The following PDE10A variants were observed in gnomAD, a reference collection of about 807,000 sequenced individuals.
PDE10A encodes cAMP and cAMP-inhibited cGMP 3',5'-cyclic phosphodiesterase 10A.
In PDE10A, 39 loss-of-function variants were observed where a neutral mutation model predicts 97.7. That is an observed-to-expected ratio of 0.40 (90% CI 0.31 to 0.52). The LOEUF is 0.52. PDE10A is among the 20% of genes least tolerant of loss of function. The probability of loss-of-function intolerance (pLI) is 0.56; values close to 1 mark genes in which losing one functional copy is unlikely to be tolerated. For synonymous variants in PDE10A, 371 were observed against 376.8 expected (o/e 0.98, Z 0.18); for missense variants, 731 against 1,047.8 (o/e 0.70, Z 4.17).
At chr6:165,361,601 C>T (rs1281376438) in intron 18 of PDE10A, among the ~76,000 whole-genome samples, 1 of 151,966 alleles carries the variant, frequency 6.6e-6, no homozygotes, top group Non-Finnish European at 1.5e-5. Context: ...TGACTGGTGT[C>T]CTTATAGGAA....
At chr6:165,774,462 C>T (rs1778105317) in intron 1 of PDE10A, among the ~76,000 whole-genome samples, 1 of 147,332 alleles carries the variant, frequency 6.8e-6, no homozygotes, top group Non-Finnish European at 1.5e-5. Flanking sequence ...ATAAAATAAA[C>T]ATGTATATAT....
intron 18 of PDE10A, among the ~76,000 whole-genome samples, chr6:165,376,148 A>G (rs1383337277): frequency 6.6e-6 from 1 of 152,204 alleles, no homozygotes; most frequent in Non-Finnish European, 1.5e-5. Context: ...TCCTCCAATG[A>G]ATGTGGGAAA....
intron 3 of PDE10A, among the ~76,000 whole-genome samples, chr6:165,468,847 A>C (rs1415821163): frequency 6.6e-6 from 1 of 152,214 alleles, no homozygotes; most frequent in Non-Finnish European, 1.5e-5. Flanking sequence ...ACAATGAAGA[A>C]ATGCTCCCCA....
intron 2 of PDE10A, among the ~76,000 whole-genome samples, chr6:165,489,089 C>T (rs1780081702): frequency 6.6e-6 from 1 of 152,142 alleles, no homozygotes; most frequent in Non-Finnish European, 1.5e-5. Context: ...CACTATACAA[C>T]CTCAGCTGAT....
chr6:165,725,227 A>C (rs2128449457), intron 1 of PDE10A, among the ~76,000 whole-genome samples: 1 of 152,336 alleles, frequency 6.6e-6, no homozygotes, highest in East Asian at 1.9e-4. Flanking sequence ...TTTCTGGTAC[A>C]CTAAGGCAGA....
intron 3 of PDE10A, among the ~76,000 whole-genome samples, chr6:165,478,682 AC>A (rs937089970): frequency 2.0e-5 from 3 of 152,130 alleles, no homozygotes; most frequent in Non-Finnish European, 4.4e-5. Context: ...CTGTAGAGAA[AC>A]CCTTTCCCTT....
At chr6:165,645,850 T>G (rs372772687) in intron 1 of PDE10A, among the ~76,000 whole-genome samples, 51 of 30,050 alleles carry the variant, frequency 1.7e-3, no homozygotes, top group African/African-American at 6.6e-3. Context: ...CAAGACTCCA[T>G]CTCAAAAAAA....
chr6:165,588,146 T>G (rs1340301445), intron 1 of PDE10A, among the ~76,000 whole-genome samples: 1 of 152,182 alleles, frequency 6.6e-6, no homozygotes, highest in African/African-American at 2.4e-5. Context: ...GTCTATACCT[T>G]TCAAACTAAG....
intron 1 of PDE10A, among the ~76,000 whole-genome samples, chr6:165,596,861 T>C (rs1190776062): frequency 6.6e-6 from 1 of 152,162 alleles, no homozygotes; most frequent in African/African-American, 2.4e-5. Flanking sequence ...CCTCCTCTAC[T>C]GACATGGCCG....
intron 16 of PDE10A, 31 bp downstream of exon 16, chr6:165,392,615 C>G (rs113960728): frequency 6.3e-7 from 1 of 1,594,594 alleles, no homozygotes; most frequent in Admixed American, 1.7e-5. Context: ...ACTGAGGTTA[C>G]GAGAAACAGA....
chr6:165,625,017 G>T (rs910701855), intron 1 of PDE10A, among the ~76,000 whole-genome samples: 1 of 152,212 alleles, frequency 6.6e-6, no homozygotes, highest in Non-Finnish European at 1.5e-5. Flanking sequence ...AAGGCACCAA[G>T]GGGAAGTGTG....
Position 165,388,161 on chromosome 6 carries a change from T to C in PDE10A, c.2610+137A>G. The C allele has an allele frequency of 1.4e-6, 1 of 693,396 alleles. No homozygotes were observed. Among genetic ancestry groups the C allele is most frequent in the South Asian group, 1.9e-5 (1 of 51,516 alleles). The allele number at this position is 693,396 out of a possible 1,614,324, so 43.0% of individuals were successfully genotyped here. On this transcript the variant is annotated intron_variant, in intron 17 of 21. Coordinates refer to ENST00000539869, the MANE Select transcript of PDE10A (RefSeq NM_001385079.1). The surrounding 1 kb of genome is among the most constrained non-coding windows in gnomAD (Gnocchi z 4.0). ...AAACACTATTATTTAATGATGACTA[T>C]AAATATAAGGTTCTACAATAAAAAG...
At chr6:165,338,356 A>C (rs1162613524) in intron 20 of PDE10A, among the ~76,000 whole-genome samples, 3 of 152,216 alleles carry the variant, frequency 2.0e-5, no homozygotes, top group Non-Finnish European at 2.9e-5. Context: ...TCTGTATCAT[A>C]ATTATTTATT....
At chr6:165,752,533 T>C (rs532638852) in intron 1 of PDE10A, among the ~76,000 whole-genome samples, 1 of 152,352 alleles carries the variant, frequency 6.6e-6, no homozygotes, top group African/African-American at 2.4e-5. Context: ...TGTCATAACA[T>C]ATGTTATGTT....
intron 18 of PDE10A, among the ~76,000 whole-genome samples, chr6:165,373,694 C>A (rs1784417605): frequency 6.6e-6 from 1 of 152,070 alleles, no homozygotes; most frequent in South Asian, 2.1e-4. Flanking sequence ...GGATCTAGAA[C>A]TAGAAATACC....
At chr6:165,821,839 G>A (rs111665391) in intron 1 of PDE10A, among the ~76,000 whole-genome samples, 197 of 152,172 alleles carry the variant, frequency 1.3e-3, no homozygotes, top group African/African-American at 4.2e-3. Context: ...CACCATGCTC[G>A]GCATTGTCTA....
chr6:165,909,643 G>A (rs550404275), intron 1 of PDE10A, among the ~76,000 whole-genome samples: 21 of 152,206 alleles, frequency 1.4e-4, no homozygotes, highest in Non-Finnish European at 2.2e-4. Context: ...GCTCCTCCCC[G>A]GGTGGTGCCA....
chr6:165,766,675 C>T (rs1777859527), intron 1 of PDE10A, among the ~76,000 whole-genome samples: 1 of 152,180 alleles, frequency 6.6e-6, no homozygotes, highest in African/African-American at 2.4e-5. Context: ...TTTGTATAAG[C>T]CAGGAAATGA....
At chr6:165,638,813 T>C (rs1002801841) in intron 1 of PDE10A, among the ~76,000 whole-genome samples, 3 of 152,120 alleles carry the variant, frequency 2.0e-5, no homozygotes, top group African/African-American at 7.2e-5. Context: ...CAATAGAAAG[T>C]TAACTACTAT....
Sources: allele counts gnomAD v4.1 joint callset (sites outside exome capture counted in the v4.1 genomes callset), GRCh38; gene constraint gnomAD v4.1.1; non-coding constraint Gnocchi (gnomAD v3.1); transcripts MANE v1.5; gene names NCBI Gene and HGNC (gene_info 2026-07-23, HGNC 2026-07-21).